Variants in MAST4 observed in about 807,000 individuals in gnomAD.
The protein encoded by MAST4 is microtubule-associated serine/threonine-protein kinase 4.
MAST4 carries 89 observed loss-of-function variants against 162.7 expected under a neutral mutation model. The ratio of observed to expected loss-of-function variants is 0.55; its 90% CI spans 0.46 to 0.65. MAST4 has a LOEUF of 0.65. MAST4 is among the 30% of genes least tolerant of loss of function. The pLI, the probability that MAST4 is intolerant of heterozygous loss-of-function variation, is 0.00. For missense variants in MAST4, 3,153 were observed against 3,374.0 expected (o/e 0.93, Z 1.62); for synonymous variants, 1,479 against 1,361.1 (o/e 1.09, Z -1.91).
chr5:67,164,270 CAA>C lies in MAST4; in HGVS notation c.5093_5094del (p.Lys1698ArgfsTer39). On this transcript the variant is annotated frameshift_variant, in exon 29 of 29. Transcript: ENST00000403625. LOFTEE classifies it low-confidence loss of function (END_TRUNC). The surrounding 1 kb of genome is among the most constrained non-coding windows in gnomAD (Gnocchi z 5.3). ...TCCGAAAGAAAATGTCACTTGAGGACAAAGAGGACAACCTCTGCCCTGTGCTG... is the reference window on the plus strand; with the variant it reads ...TCCGAAAGAAAATGTCACTTGAGGACAGAGGACAACCTCTGCCCTGTGCTG... ...YLRKKMSLED[K>X]EDNLCPVLKP... The C allele has an allele frequency of 6.2e-7, 1 of 1,614,026 alleles. No homozygotes were observed. Among genetic ancestry groups the C allele is most frequent in the Non-Finnish European group, 8.5e-7 (1 of 1,179,892 alleles).
intron 3 of MAST4, among the ~76,000 whole-genome samples, chr5:66,807,599 G>A (rs186336540): frequency 2.2e-4 from 33 of 151,818 alleles, no homozygotes; most frequent in Non-Finnish European, 1.3e-4. Flanking sequence ...CTATTTTTAT[G>A]TGTATCCATT....
chr5:67,094,457 A>T (rs907015230), intron 6 of MAST4, among the ~76,000 whole-genome samples: 1 of 152,244 alleles, frequency 6.6e-6, no homozygotes, highest in East Asian at 1.9e-4. Flanking sequence ...GCAAGTTAAC[A>T]TAATAACAAA....
At chr5:67,025,987 A>G (rs1754598207) in intron 4 of MAST4, among the ~76,000 whole-genome samples, 1 of 152,204 alleles carries the variant, frequency 6.6e-6, no homozygotes, top group Non-Finnish European at 1.5e-5. Context: ...TGTGTACTGC[A>G]CCTACCTACT....
intron 4 of MAST4, among the ~76,000 whole-genome samples, chr5:67,053,973 AAAT>A (rs1465714079): frequency 2.0e-5 from 3 of 152,250 alleles, no homozygotes; most frequent in African/African-American, 7.2e-5. Flanking sequence ...AAATTTGTCT[AAAT>A]AATTAGATTT....
At chr5:67,000,760 G>C (rs573093027) in intron 4 of MAST4, among the ~76,000 whole-genome samples, 5 of 151,592 alleles carry the variant, frequency 3.3e-5, no homozygotes, top group Non-Finnish European at 7.4e-5. Context: ...AAAAAAAGGG[G>C]GGGGGTGGCT....
intron 5 of MAST4, among the ~76,000 whole-genome samples, chr5:67,089,015 T>A (rs548511434): frequency 8.5e-5 from 13 of 152,374 alleles, no homozygotes; most frequent in African/African-American, 3.1e-4. Flanking sequence ...AGCCATGTAC[T>A]GACTTTGACA....
In MAST4 at chr5:66,823,996, A is replaced by G. The variant is rs142860291; in HGVS notation, c.642+35202A>G. The stretch of plus-strand genomic sequence containing the variant: ...GTAATCTTTTATGAGCTAATACAAC[A>G]TATTCATTGGCCACTGGCAGCTATC... On this transcript the variant is annotated intron_variant, in intron 3 of 28. Transcript: ENST00000403625. Among the ~76,000 whole-genome samples the G allele has an allele frequency of 2.7e-4, 41 of 152,308 alleles. No homozygotes were observed. The East Asian group carries it at 6.6e-3, about 24-fold the overall frequency.
At chr5:67,036,031 C>CTTT (rs1755977238) in intron 4 of MAST4, among the ~76,000 whole-genome samples, 1 of 152,108 alleles carries the variant, frequency 6.6e-6, no homozygotes, top group Non-Finnish European at 1.5e-5. Flanking sequence ...TTGGGACTTG[C>CTTT]TTTTAGCATG....
intron 4 of MAST4, among the ~76,000 whole-genome samples, chr5:66,905,255 C>T (rs928735144): frequency 7.1e-5 from 10 of 141,154 alleles, no homozygotes; most frequent in Non-Finnish European, 1.5e-4. Context: ...TGCAGTGAGC[C>T]GAGATCGCGC....
intron 4 of MAST4, among the ~76,000 whole-genome samples, chr5:67,009,808 A>G (rs1311609331): frequency 6.6e-6 from 1 of 152,084 alleles, no homozygotes; most frequent in Non-Finnish European, 1.5e-5. Context: ...TGGGGGTGAG[A>G]CCTGCAAGCC....
rs375429480 is a variant in MAST4 at position 66,597,584 on chromosome 5, C to G, written c.363+566C>G. Among the ~76,000 whole-genome samples the G allele has an allele frequency of 2.3e-4, 35 of 152,310 alleles. 1 individual carries two copies. The highest frequency in any genetic ancestry group is 7.9e-4 in the African/African-American group (33 of 41,568). On this transcript the variant is annotated intron_variant, in intron 1 of 28. Coordinates refer to ENST00000403625, the MANE Select transcript of MAST4 (RefSeq NM_001164664.2). The stretch of plus-strand genomic sequence containing the variant: ...TCGGTCCTCTGGGAGAAGAGGACTC[C>G]CCGCGCTCCCTCGGTGGCGCTGGCG...
chr5:67,018,327 C>G (rs770400613), intron 4 of MAST4, among the ~76,000 whole-genome samples: 6 of 152,096 alleles, frequency 3.9e-5, no homozygotes, highest in Non-Finnish European at 8.8e-5. Flanking sequence ...CCCTGGAGTT[C>G]AAGACCAGCC....
intron 3 of MAST4, among the ~76,000 whole-genome samples, chr5:66,840,324 C>T (rs1048358162): frequency 3.9e-5 from 6 of 151,956 alleles, no homozygotes; most frequent in African/African-American, 9.7e-5. Context: ...ATTTTAGCAT[C>T]GTTGTGAATG....
intron 18 of MAST4, 99 bp downstream of exon 18, chr5:67,134,787 C>A: frequency 1.0e-6 from 1 of 976,108 alleles, no homozygotes; most frequent in South Asian, 2.0e-5. Context: ...AAATGTTAAC[C>A]TTTATCAAAC....
chr5:67,142,467 C>T lies in MAST4; in HGVS notation c.2664C>T (p.Asp888=), dbSNP rs753851339. The part of the protein sequence containing the change: ...YHHMETEEED[D]TNDEDFNVEI... Reference sequence around the variant, plus strand: ...ATATGGAAACGGAGGAAGAAGATGACACAAATGATGAAGACTTTAATGTGG... The same window carrying T: ...ATATGGAAACGGAGGAAGAAGATGATACAAATGATGAAGACTTTAATGTGG... The change falls in exon 21 of 29, where the codon GAC becomes GAT. Residue 888 remains aspartate (D), a synonymous_variant. Coordinates refer to ENST00000403625, the MANE Select transcript of MAST4 (RefSeq NM_001164664.2). 1.9e-6 allele frequency: 3 copies of T among 1,600,922 alleles called. No individual in the cohort carries two copies. The African/African-American group carries it at 4.0e-5, about 21-fold the overall frequency.
intron 4 of MAST4, among the ~76,000 whole-genome samples, chr5:67,039,409 G>C (rs73766143): frequency 0.011 from 1,728 of 152,288 alleles, 28 homozygotes; most frequent in African/African-American, 0.039. Flanking sequence ...TCATAAGCAG[G>C]AATCCAGGGA....
At chr5:66,807,747 C>A (rs1756271873) in intron 3 of MAST4, among the ~76,000 whole-genome samples, 1 of 152,184 alleles carries the variant, frequency 6.6e-6, no homozygotes, top group African/African-American at 2.4e-5. Flanking sequence ...GGCATTTCCT[C>A]CTCGCCCTCT....
chr5:66,921,218 C>T (rs886841226), intron 4 of MAST4, among the ~76,000 whole-genome samples: 1 of 152,082 alleles, frequency 6.6e-6, no homozygotes, highest in Non-Finnish European at 1.5e-5. Context: ...GCCCCTAAGT[C>T]TGACATAAGG....
chr5:66,845,126 T>TACACAC lies in MAST4; in HGVS notation c.643-54818_643-54813dup, dbSNP rs1554058478. ...ATATATATATATATATATATATATA[T>TACACAC]ACACACACACACTTGAAGTTCTAGG... On this transcript the variant is annotated intron_variant, in intron 3 of 28. Transcript: ENST00000403625. Among the ~76,000 whole-genome samples, 339 of 67,052 alleles carry TACACAC rather than the reference T, an allele frequency of 5.1e-3. 6 individuals carry two copies. Among genetic ancestry groups the TACACAC allele is most frequent in the East Asian group, 0.022 (27 of 1,244 alleles). 44.0% of individuals were successfully genotyped at this position (67,052 alleles called of 152,430 possible). A position where few individuals can be genotyped will look rare whatever the true frequency, so the allele number is the denominator to read the frequency against.
Sources: gnomAD v4.1 joint callset for allele counts (sites outside exome capture counted in the v4.1 genomes callset) on GRCh38, gnomAD v4.1.1 for gene constraint, Gnocchi (gnomAD v3.1) non-coding constraint, MANE v1.5 for transcripts, NCBI Gene and HGNC (gene_info 2026-07-23, HGNC 2026-07-21) for gene names.